The following MYCBP2 variants were observed in gnomAD, a reference collection of about 807,000 sequenced individuals.
MYCBP2 encodes MYC binding protein 2, also known as E3 ubiquitin-protein ligase MYCBP2.
MYCBP2 carries 120 observed loss-of-function variants against 525.3 expected under a neutral mutation model. The observed-to-expected ratio is 0.23, with a 90% confidence interval of 0.20 to 0.27. The LOEUF (loss-of-function observed/expected upper bound fraction) is 0.27. Among genes scored for constraint, MYCBP2 ranks in the 10% least tolerant of loss-of-function variants. The pLI, the probability that MYCBP2 is intolerant of heterozygous loss-of-function variation, is 1.00. For missense variants in MYCBP2, 4,149 were observed against 5,657.1 expected (o/e 0.73, Z 8.55); for synonymous variants, 1,894 against 1,955.8 (o/e 0.97, Z 0.83).
intron 25 of MYCBP2, 36 bp from the exon 26 acceptor site, chr13:77,205,419 A>T (rs2063211661): frequency 6.2e-7 from 1 of 1,611,894 alleles, no homozygotes; most frequent in African/African-American, 1.3e-5. Context: ...GTTTTAAAAG[A>T]TCCATATATA....
chr13:77,177,334 CTT>C (rs748460042), intron 35 of MYCBP2, among the ~76,000 whole-genome samples: 24 of 122,886 alleles, frequency 2.0e-4, no homozygotes, highest in African/African-American at 5.0e-4. Context: ...TCTTTTCTTT[CTT>C]TTTTTTTTTT....
At chr13:77,256,176 C>G (rs1337736799) in intron 14 of MYCBP2, among the ~76,000 whole-genome samples, 2 of 152,048 alleles carry the variant, frequency 1.3e-5, no homozygotes, top group Admixed American at 6.6e-5. Context: ...ATAAGGATCA[C>G]TCTTAGTTGT....
Position 77,319,278 on chromosome 13 carries a change from T to C in MYCBP2, c.302+7196A>G, listed in dbSNP as rs531468024. 5.3e-5 allele frequency among the ~76,000 whole-genome samples: 8 copies of C among 152,268 alleles called. No individual in the cohort carries two copies. In the South Asian group the frequency reaches 1.4e-3, roughly 28 times the overall value. On this transcript the variant is annotated intron_variant, in intron 1 of 82. Transcript: ENST00000544440. ...GACAGCACAGTCTGCAAGCAACCCCTCTAGCTAGTAGAAGAAGGCCACTTC... is the reference window on the plus strand; with the variant it reads ...GACAGCACAGTCTGCAAGCAACCCCCCTAGCTAGTAGAAGAAGGCCACTTC...
chr13:77,158,201 T>A, intron 44 of MYCBP2, 92 bp from the exon 45 acceptor site: 1 of 686,732 alleles, frequency 1.5e-6, no homozygotes, highest in Non-Finnish European at 2.2e-6. Context: ...CAGATAGGCC[T>A]TTACGGAGAA....
intron 14 of MYCBP2, among the ~76,000 whole-genome samples, chr13:77,256,315 T>C (rs150047029): frequency 0.011 from 1,738 of 152,150 alleles, 25 homozygotes; most frequent in Middle Eastern, 0.027. Flanking sequence ...AAAAAATGTT[T>C]GGAAAAGACT....
intron 36 of MYCBP2, among the ~76,000 whole-genome samples, chr13:77,174,824 T>C (rs1428632080): frequency 2.2e-5 from 3 of 137,790 alleles, no homozygotes; most frequent in Non-Finnish European, 4.6e-5. Context: ...AGCTAGTAAG[T>C]GATGGAACTA....
chr13:77,300,483 A>T (rs1192719207), intron 1 of MYCBP2, among the ~76,000 whole-genome samples: 2 of 152,214 alleles, frequency 1.3e-5, no homozygotes, highest in African/African-American at 4.8e-5. Flanking sequence ...ACCTTTTAAA[A>T]ATGTAAAAAC....
In MYCBP2 at chr13:77,097,550, T is replaced by C; in HGVS notation, c.9604A>G (p.Asn3202Asp). The C allele has an allele frequency of 6.2e-7, 1 of 1,612,952 alleles. No individual in the cohort carries two copies. The highest frequency in any genetic ancestry group is 8.5e-7 in the Non-Finnish European group (1 of 1,179,672). The change falls in exon 56 of 83, where the codon AAT becomes GAT. Residue 3202 changes from asparagine to aspartate, a missense_variant. Around this residue, in one of 21 missense-constraint regions of MYCBP2, gnomAD observed 653 missense variants for 744.7 expected, o/e 0.88. Transcript: ENST00000544440. Reference sequence around the variant, plus strand: ...TTTTTTTCCTTTTTGGACTTCTTATTCTCTTTCTCACACTCTTTCTTTTTA... The same window carrying C: ...TTTTTTTCCTTTTTGGACTTCTTATCCTCTTTCTCACACTCTTTCTTTTTA... The part of the protein sequence containing the change: ...VLKKKECEKE[N>D]KKSKKEKKKK...
rs35429706 is a variant in MYCBP2, at chr13:77,243,965, CAA to C, written c.2382-16_2382-15del. ...CAACCACAGATCCTAGGGGGAAATA[CAA>C]AAAAAAAAAAAAAAGACAACTGAGA... On this transcript the variant is annotated splice_polypyrimidine_tract_variant and intron_variant, in intron 15 of 82. Coordinates refer to ENST00000544440, the MANE Select transcript of MYCBP2 (RefSeq NM_015057.5). 2.7e-3 allele frequency: 3,188 copies of C among 1,180,282 alleles called. No homozygotes were observed. The highest frequency in any genetic ancestry group is 0.013 in the South Asian group (454 of 34,670). 73.1% of individuals were successfully genotyped at this position (1,180,282 alleles called of 1,614,324 possible).
chr13:77,057,366 A>T (rs993975958), intron 78 of MYCBP2, among the ~76,000 whole-genome samples: 5 of 152,234 alleles, frequency 3.3e-5, no homozygotes, highest in Non-Finnish European at 7.3e-5. Flanking sequence ...GGTTAGGAAA[A>T]AAAGTAAAAT....
intron 1 of MYCBP2, among the ~76,000 whole-genome samples, chr13:77,305,671 TA>T (rs1046290641): frequency 6.6e-6 from 1 of 151,642 alleles, no homozygotes; most frequent in African/African-American, 2.4e-5. Flanking sequence ...TTACCCCTTT[TA>T]TTTTTAAAAA....
chr13:77,248,084 A>T (rs924312767), intron 15 of MYCBP2, among the ~76,000 whole-genome samples: 1 of 151,858 alleles, frequency 6.6e-6, no homozygotes, highest in African/African-American at 2.4e-5. Context: ...TGGCACATGT[A>T]TACATATGTA....
intron 68 of MYCBP2, among the ~76,000 whole-genome samples, chr13:77,072,300 G>A (rs201032324): frequency 0.091 from 10,794 of 118,180 alleles, no homozygotes; most frequent in Non-Finnish European, 0.11. Flanking sequence ...CAAAAAAAAA[G>A]AAAAAAAAAA....
chr13:77,048,331 AG>A (rs1230148785), intron 82 of MYCBP2, among the ~76,000 whole-genome samples: 1 of 152,222 alleles, frequency 6.6e-6, no homozygotes, highest in Non-Finnish European at 1.5e-5. Context: ...CAGAACTGTG[AG>A]AATAAATTTC....
chr13:77,272,505 C>T (rs1452478865), intron 5 of MYCBP2: 1 of 152,130 alleles, frequency 6.6e-6, no homozygotes, highest in South Asian at 2.1e-4. Flanking sequence ...TACTTTATTA[C>T]AATTTTTAAA....
chr13:77,219,302 C>T (rs879052804), intron 20 of MYCBP2, among the ~76,000 whole-genome samples: 3 of 151,942 alleles, frequency 2.0e-5, no homozygotes, highest in Admixed American at 6.6e-5. Flanking sequence ...CCTAACCACT[C>T]GATTTAGCAG....
In MYCBP2 at chr13:77,280,993, A is replaced by T. The variant is rs76604541; in HGVS notation, c.595-2082T>A. ...AACTATTAAAGAATTTTTAATATTT[A>T]GCTATGGATTATTGCACAGAGGTAA... On this transcript the variant is annotated intron_variant, in intron 3 of 82. Coordinates refer to ENST00000544440, the MANE Select transcript of MYCBP2 (RefSeq NM_015057.5). Among the ~76,000 whole-genome samples, 62 of 152,354 alleles carry T rather than the reference A, an allele frequency of 4.1e-4. No homozygotes were observed. The East Asian group carries it at 0.01, about 25-fold the overall frequency.
At chr13:77,233,302 CA>C in intron 17 of MYCBP2, 39 bp from the exon 18 acceptor site, 1 of 1,456,114 alleles carries the variant, frequency 6.9e-7, no homozygotes, top group East Asian at 2.3e-5. Flanking sequence ...GAAAAACTCA[CA>C]AAATGAAAAC....
intron 55 of MYCBP2, among the ~76,000 whole-genome samples, chr13:77,116,723 C>T (rs908899855): frequency 2.6e-5 from 4 of 151,996 alleles, no homozygotes; most frequent in Non-Finnish European, 5.9e-5. Context: ...ACTGATAACA[C>T]ATATGCATAA....
Sources: gnomAD v4.1 joint callset for allele counts (sites outside exome capture counted in the v4.1 genomes callset) on GRCh38, gnomAD v4.1.1 for gene constraint, gnomAD v4.1.1 regional missense constraint, MANE v1.5 for transcripts, NCBI Gene and HGNC (gene_info 2026-07-23, HGNC 2026-07-21) for gene names.